The following MIA2 variants were observed in gnomAD, a reference collection of about 807,000 sequenced individuals.
MIA2 encodes melanoma inhibitory activity protein 2.
In MIA2, 127 loss-of-function variants were observed where a neutral mutation model predicts 167.8. That is an observed-to-expected ratio of 0.76 (90% CI 0.66 to 0.88). The LOEUF (loss-of-function observed/expected upper bound fraction) is 0.88. Among genes scored for constraint, MIA2 ranks in the 40% least tolerant of loss-of-function variants. The pLI is 0.00. For synonymous variants in MIA2, 552 were observed against 541.9 expected, an observed-to-expected ratio of 1.02 and a Z score of -0.26; for missense variants, 1,690 against 1,624.7, an observed-to-expected ratio of 1.04 and a Z score of -0.69.
At chr14:39,296,623 T>G (rs1051924479) in intron 13 of MIA2, among the ~76,000 whole-genome samples, 1 of 147,220 alleles carries the variant, frequency 6.8e-6, no homozygotes, top group African/African-American at 2.5e-5. Flanking sequence ...TTTTTTTTAA[T>G]TTTTATTTTT....
chr14:39,353,372 A>G (rs1376166140), downstream of MIA2, among the ~76,000 whole-genome samples: 2 of 152,030 alleles, frequency 1.3e-5, no homozygotes, highest in Non-Finnish European at 2.9e-5. Flanking sequence ...AGTCTCTGGT[A>G]TCTATCATTC....
chr14:39,351,949 G>T (rs10130181), downstream of MIA2, among the ~76,000 whole-genome samples: 11,699 of 152,126 alleles, frequency 0.077, 545 homozygotes, highest in South Asian at 0.18. Context: ...CGTAATTCCT[G>T]AGTCACTCAG....
chr14:39,343,119 A>C (rs1327613236), intron 25 of MIA2, among the ~76,000 whole-genome samples: 1 of 152,130 alleles, frequency 6.6e-6, no homozygotes, highest in Non-Finnish European at 1.5e-5. Flanking sequence ...CCTAGGTAAT[A>C]GGGTATGCAC....
intron 23 of MIA2, among the ~76,000 whole-genome samples, chr14:39,372,376 C>T (rs866766917): frequency 7.2e-5 from 11 of 152,110 alleles, no homozygotes; most frequent in African/African-American, 2.2e-4. Flanking sequence ...GTTGTTCTTA[C>T]ATCAAAGATC....
intron 25 of MIA2, among the ~76,000 whole-genome samples, chr14:39,342,514 TGG>T (rs10707495): frequency 1.8e-4 from 27 of 152,198 alleles, no homozygotes; most frequent in Non-Finnish European, 3.1e-4. Flanking sequence ...TATAATCCTT[TGG>T]GTATATACCC....
intron 6 of MIA2, chr14:39,266,548 G>C (rs886238350): frequency 3.2e-5 from 32 of 985,400 alleles, no homozygotes; most frequent in South Asian, 4.7e-5. Flanking sequence ...AAACCAGATC[G>C]AGGTTCTCTT....
chr14:39,247,851 A>T lies in MIA2; in HGVS notation c.1277A>T (p.Glu426Val), dbSNP rs537063219. 2 of 1,587,798 alleles carry T rather than the reference A, an allele frequency of 1.3e-6. No individual in the cohort carries two copies. Among genetic ancestry groups the T allele is most frequent in the African/African-American group, 2.7e-5 (2 of 73,074 alleles). ...TSELDPEKEQ[E>V]IETIKIIETE... ...GAATTAGACCCTGAAAAAGAACAAG[A>T]AATAGAAACGATAAAAATTATAGAA... is the stretch of plus-strand genomic sequence containing the variant. The change falls in exon 4 of 29, where the codon GAA (glutamate) becomes GTA (valine). Residue 426 changes from glutamate (E) to valine (V), a missense_variant. Glu to Val is a moderately radical substitution (Grantham distance 121). Coordinates refer to ENST00000640607, the MANE Select transcript of MIA2 (RefSeq NM_001329214.4).
rs1250668081 is a variant in MIA2, at chr14:39,372,235, AAGCC to A, written c.2249-14648_2249-14645del. Among the ~76,000 whole-genome samples the A allele has an allele frequency of 8.5e-5, 13 of 152,304 alleles. 1 individual carries two copies. Among genetic ancestry groups the A allele is most frequent in the African/African-American group, 2.6e-4 (11 of 41,568 alleles). On this transcript the variant is annotated intron_variant, in intron 23 of 23. Coordinates refer to the MIA2 transcript ENST00000341502. Reference sequence around the variant, plus strand: ...ATAAGCTTATTCCTCTTTTCCTAGAAAGCCAAGTGTGTGTTTTAAAGGTTCCCAC... The same window carrying A: ...ATAAGCTTATTCCTCTTTTCCTAGAAAAGTGTGTGTTTTAAAGGTTCCCAC...
At chr14:39,265,862 C>T (rs113056324) in intron 6 of MIA2, 2 of 396,282 alleles carry the variant, frequency 5.0e-6, no homozygotes, top group African/African-American at 2.2e-5. Context: ...GTGTCTAACA[C>T]GTATGAAAGT....
In MIA2 at chr14:39,297,146, G is replaced by A. The variant is rs745540945; in HGVS notation, c.2496+2117G>A. On this transcript the variant is annotated intron_variant, in intron 13 of 28. Transcript: ENST00000640607. ...GTCTCACTTTGTCACCCAGTCTGGA[G>A]TTCATGGCGCTATCTCAGCTCACTA... 1.1e-4 allele frequency among the ~76,000 whole-genome samples: 17 copies of A among 150,180 alleles called. No individual in the cohort carries two copies. The South Asian group carries it at 2.3e-3, about 21-fold the overall frequency.
downstream of MIA2, among the ~76,000 whole-genome samples, chr14:39,353,558 A>C (rs538273136): frequency 8.5e-5 from 13 of 152,164 alleles, no homozygotes; most frequent in African/African-American, 3.1e-4. Context: ...TCCTTTGTGT[A>C]TATATACCAC....
chr14:39,300,318 T>C (rs1290088279), intron 14 of MIA2, among the ~76,000 whole-genome samples: 2 of 152,150 alleles, frequency 1.3e-5, no homozygotes, highest in African/African-American at 4.8e-5. Flanking sequence ...TTTGAGAAAT[T>C]GGATGTATAG....
intron 2 of MIA2, among the ~76,000 whole-genome samples, chr14:39,238,511 T>C (rs1289703313): frequency 6.6e-6 from 1 of 151,932 alleles, no homozygotes; most frequent in African/African-American, 2.4e-5. Flanking sequence ...AATAACAGCT[T>C]GGGCCAGGCT....
At chr14:39,338,522 CTTAT>C (rs1295795132) in intron 25 of MIA2, among the ~76,000 whole-genome samples, 2 of 151,862 alleles carry the variant, frequency 1.3e-5, no homozygotes, top group South Asian at 2.1e-4. Flanking sequence ...AATTAGAAAA[CTTAT>C]TTATAATTTT....
intron 2 of MIA2, among the ~76,000 whole-genome samples, chr14:39,239,148 C>A (rs893437434): frequency 1.5e-4 from 23 of 152,112 alleles, no homozygotes; most frequent in Admixed American, 1.4e-3. Flanking sequence ...TTCTGCTTTT[C>A]CCATCAGGGG....
At chr14:39,253,702 A>G (rs1457840981) in intron 6 of MIA2, 3 of 152,290 alleles carry the variant, frequency 2.0e-5, no homozygotes, top group Admixed American at 6.5e-5. Context: ...GTTTGTATTC[A>G]ATTGAGAGTT....
intron 25 of MIA2, among the ~76,000 whole-genome samples, chr14:39,330,686 A>G (rs2153009564): frequency 6.6e-6 from 1 of 152,260 alleles, no homozygotes; most frequent in East Asian, 1.9e-4. Flanking sequence ...TTGGTTTCAA[A>G]TAACTTATTT....
rs148497024 is a variant in MIA2, at chr14:39,245,959, T to C, written c.337-952T>C. Among the ~76,000 whole-genome samples the C allele has an allele frequency of 5.7e-3, 871 of 152,246 alleles. 4 individuals are homozygous for C. The highest frequency in any genetic ancestry group is 7.8e-3 in the Non-Finnish European group (529 of 68,012). On this transcript the variant is annotated intron_variant, in intron 3 of 28. Coordinates refer to ENST00000640607, the MANE Select transcript of MIA2 (RefSeq NM_001329214.4). ...GGCAAACACACATGTGTTCAGTCAG[T>C]GTGTTCTTAGGAGGTACAAGATTTT...
intron 23 of MIA2, among the ~76,000 whole-genome samples, chr14:39,365,860 G>A (rs887416398): frequency 4.0e-5 from 6 of 151,896 alleles, no homozygotes; most frequent in Non-Finnish European, 7.4e-5. Context: ...GAATTATTTT[G>A]TTTCTCTGGC....
Sources: allele counts gnomAD v4.1 joint callset (sites outside exome capture counted in the v4.1 genomes callset), GRCh38; gene constraint gnomAD v4.1.1; transcripts MANE v1.5; gene names NCBI Gene and HGNC (gene_info 2026-07-23, HGNC 2026-07-21).